CATSPERB: variants seen among roughly 807,000 people sequenced by gnomAD.
The protein encoded by CATSPERB is cation channel sperm-associated auxiliary subunit beta.
Under a neutral mutation model 128.3 loss-of-function variants are expected in CATSPERB, and 93 were observed. The ratio of observed to expected loss-of-function variants is 0.72; its 90% CI spans 0.61 to 0.86. The LOEUF (loss-of-function observed/expected upper bound fraction) is 0.86, where lower values mean the gene tolerates loss of function less well. Among genes scored for constraint, CATSPERB ranks in the 40% least tolerant of loss-of-function variants. CATSPERB has a pLI of 0.00. For missense variants in CATSPERB, 1,153 were observed against 1,329.5 expected, an observed-to-expected ratio of 0.87 and a Z score of 2.06; for synonymous variants, 381 against 448.8, an observed-to-expected ratio of 0.85 and a Z score of 1.91.
chr14:91,626,154 C>T (rs978292380), intron 17 of CATSPERB, among the ~76,000 whole-genome samples: 1 of 151,656 alleles, frequency 6.6e-6, no homozygotes, highest in Non-Finnish European at 1.5e-5. Context: ...TCTAAATGGG[C>T]CACAGACTTA....
At chr14:91,704,831 ACT>A in intron 6 of CATSPERB, 130 bp from the exon 7 acceptor site, 1 of 833,940 alleles carries the variant, frequency 1.2e-6, no homozygotes. Flanking sequence ...GCATTACCTC[ACT>A]CTGCATTGGT....
intron 2 of CATSPERB, among the ~76,000 whole-genome samples, chr14:91,726,849 C>A (rs2139783999): frequency 6.6e-6 from 1 of 152,250 alleles, no homozygotes; most frequent in South Asian, 2.1e-4. Context: ...GCTTTCCCTC[C>A]CACTTCTCCC....
At chr14:91,659,037 G>A (rs557339224) in intron 15 of CATSPERB, among the ~76,000 whole-genome samples, 16 of 152,112 alleles carry the variant, frequency 1.1e-4, no homozygotes, top group Non-Finnish European at 1.9e-4. Flanking sequence ...AATATTAACT[G>A]TTTTGAGATT....
chr14:91,712,915 C>T (rs770718308), intron 5 of CATSPERB, among the ~76,000 whole-genome samples: 9 of 152,174 alleles, frequency 5.9e-5, no homozygotes, highest in Non-Finnish European at 8.8e-5. Flanking sequence ...GGGGAGAACA[C>T]GAGCACTCCA....
At chr14:91,712,140 A>G (rs1895851006) in intron 5 of CATSPERB, among the ~76,000 whole-genome samples, 1 of 152,228 alleles carries the variant, frequency 6.6e-6, no homozygotes, top group Non-Finnish European at 1.5e-5. Flanking sequence ...CAATTACAGT[A>G]AGTTCTCACT....
intron 22 of CATSPERB, among the ~76,000 whole-genome samples, chr14:91,600,863 T>C (rs1006157147): frequency 6.6e-6 from 1 of 152,206 alleles, no homozygotes; most frequent in African/African-American, 2.4e-5. Flanking sequence ...AAGACTAAAA[T>C]GGTCATCACA....
chr14:91,669,942 T>C lies in CATSPERB; in HGVS notation c.1159A>G (p.Thr387Ala), dbSNP rs1331983161. The stretch of plus-strand genomic sequence containing the variant: ...GAATTTGGTTCATTATTTCTCAGGG[T>C]GCTCACAGAGGCAATGGCAGTTTTC... ...VRKTAIASVS[T>A]LRNNEPNSQS... Residue 387 changes from threonine (T) to alanine (A), a missense_variant, in exon 14 of 27, where the codon ACC (threonine) becomes GCC (alanine). Physicochemically the swap from Thr to Ala is moderately conservative, Grantham distance 58 (BLOSUM62 0). Coordinates refer to ENST00000256343, the MANE Select transcript of CATSPERB (RefSeq NM_024764.4). 1 of 1,613,374 alleles carries C rather than the reference T, an allele frequency of 6.2e-7. No homozygotes were observed. The highest frequency in any genetic ancestry group is 8.5e-7 in the Non-Finnish European group (1 of 1,179,798).
chr14:91,607,275 C>T lies in CATSPERB; in HGVS notation c.2709+1019G>A, dbSNP rs781550693. Among the ~76,000 whole-genome samples the T allele has an allele frequency of 3.9e-4, 59 of 151,954 alleles. 1 individual carries two copies. Among genetic ancestry groups the T allele is most frequent in the Middle Eastern group, 3.4e-3 (1 of 294 alleles). ...AATAAGTGAGTAAAATAGGTAAAAC[C>T]GTAGTAAGCGATATGGAGAAAAATA... On this transcript the variant is annotated intron_variant, in intron 22 of 26. Transcript: ENST00000256343.
At chr14:91,644,396 G>A (rs1035622828) in intron 15 of CATSPERB, among the ~76,000 whole-genome samples, 2 of 148,878 alleles carry the variant, frequency 1.3e-5, no homozygotes, top group Non-Finnish European at 3.0e-5. Flanking sequence ...GCTCTTGTAG[G>A]GCAGGCCTGG....
At chr14:91,616,487 T>G (rs979369652) in intron 20 of CATSPERB, among the ~76,000 whole-genome samples, 1 of 152,168 alleles carries the variant, frequency 6.6e-6, no homozygotes, top group African/African-American at 2.4e-5. Context: ...AAAAATGACT[T>G]GTAAATTTAT....
intron 14 of CATSPERB, among the ~76,000 whole-genome samples, chr14:91,666,903 G>C (rs761655886): frequency 1.3e-5 from 2 of 152,194 alleles, no homozygotes; most frequent in African/African-American, 2.4e-5. Flanking sequence ...TATGCCGCCC[G>C]AGATGATCTC....
chr14:91,666,618 T>A (rs1331147980), intron 14 of CATSPERB, among the ~76,000 whole-genome samples: 2 of 152,172 alleles, frequency 1.3e-5, no homozygotes, highest in African/African-American at 4.8e-5. Flanking sequence ...GGCTTCACTG[T>A]TTAAGGGTAG....
chr14:91,707,943 TTTG>T (rs1895763015), intron 6 of CATSPERB, among the ~76,000 whole-genome samples, 195 bp downstream of exon 6: 1 of 152,090 alleles, frequency 6.6e-6, no homozygotes, highest in African/African-American at 2.4e-5. Context: ...TTTGCAGATC[TTTG>T]TTAATAATTT....
chr14:91,695,380 C>T (rs1225635999), intron 7 of CATSPERB, among the ~76,000 whole-genome samples: 1 of 152,126 alleles, frequency 6.6e-6, no homozygotes, highest in Non-Finnish European at 1.5e-5. Flanking sequence ...ATTCGCCCAC[C>T]TCAGCCTCCA....
chr14:91,610,012 C>T (rs946505068), intron 21 of CATSPERB, among the ~76,000 whole-genome samples: 5 of 152,144 alleles, frequency 3.3e-5, no homozygotes, highest in African/African-American at 7.2e-5. Context: ...TGAGCCACCA[C>T]GCCTGGCTGA....
At chr14:91,592,359 T>A (rs547430940) in intron 22 of CATSPERB, 44 of 291,620 alleles carry the variant, frequency 1.5e-4, no homozygotes, top group African/African-American at 9.0e-4. Context: ...ATAAAATGAG[T>A]GGCCTTGATA....
At chr14:91,625,961 C>T (rs575977231) in intron 17 of CATSPERB, among the ~76,000 whole-genome samples, 1 of 152,152 alleles carries the variant, frequency 6.6e-6, no homozygotes, top group East Asian at 1.9e-4. Flanking sequence ...CCTATCTTTA[C>T]TAAAAATACA....
At chr14:91,640,250 T>A (rs764884694) in intron 15 of CATSPERB, among the ~76,000 whole-genome samples, 4 of 102,106 alleles carry the variant, frequency 3.9e-5, no homozygotes, top group African/African-American at 1.6e-4. Flanking sequence ...TTTTATTTTT[T>A]TATTTTTTTT....
chr14:91,708,106 T>C (rs1389257748), intron 6 of CATSPERB, 35 bp downstream of exon 6: 2 of 1,436,202 alleles, frequency 1.4e-6, no homozygotes, highest in Non-Finnish European at 2.0e-6. Flanking sequence ...AAAGAATATA[T>C]GAATTCCATT....
Sources: gnomAD v4.1 joint callset for allele counts (sites outside exome capture counted in the v4.1 genomes callset) on GRCh38, gnomAD v4.1.1 for gene constraint, MANE v1.5 for transcripts, NCBI Gene and HGNC (gene_info 2026-07-23, HGNC 2026-07-21) for gene names.